Variants in FTO observed in about 807,000 individuals in gnomAD.
FTO encodes FTO alpha-ketoglutarate dependent dioxygenase.
Under a neutral mutation model 63.9 loss-of-function variants are expected in FTO, and 47 were observed. The ratio of observed to expected loss-of-function variants is 0.74; its 90% CI spans 0.58 to 0.94. The LOEUF (loss-of-function observed/expected upper bound fraction) is 0.94. FTO is among the 40% of genes least tolerant of loss of function. The pLI is 0.00. For missense variants in FTO, 562 were observed against 618.1 expected (o/e 0.91, Z 0.96); for synonymous variants, 207 against 224.4 (o/e 0.92, Z 0.69).
intron 1 of FTO, among the ~76,000 whole-genome samples, chr16:53,808,857 TA>T (rs1459892445): frequency 6.6e-6 from 1 of 152,262 alleles, no homozygotes; most frequent in Non-Finnish European, 1.5e-5. Context: ...GTGATGCATT[TA>T]ATTGCATTTT....
intron 8 of FTO, among the ~76,000 whole-genome samples, chr16:54,092,897 T>G (rs112106299): frequency 4.6e-5 from 7 of 152,192 alleles, no homozygotes; most frequent in African/African-American, 1.2e-4. Context: ...GGTCATGGGA[T>G]TCTCCCTTCT....
intron 1 of FTO, among the ~76,000 whole-genome samples, chr16:53,765,791 A>G (rs2077186089): frequency 6.6e-6 from 1 of 152,130 alleles, no homozygotes; most frequent in Admixed American, 6.5e-5. Flanking sequence ...AGAGGTGGTC[A>G]GTGGCCAGAA....
At chr16:53,869,831 ATAAT>A (rs146390178) in intron 4 of FTO, among the ~76,000 whole-genome samples, 5,265 of 152,194 alleles carry the variant, frequency 0.035, 309 homozygotes, top group African/African-American at 0.12. Context: ...AACATTTCTG[ATAAT>A]TAATTTCTGC....
At chr16:53,923,786 C>T (rs2082066276) in intron 7 of FTO, among the ~76,000 whole-genome samples, 1 of 151,954 alleles carries the variant, frequency 6.6e-6, no homozygotes, top group Admixed American at 6.6e-5. Context: ...TCGTACATTG[C>T]CCCAGCATCC....
intron 8 of FTO, among the ~76,000 whole-genome samples, chr16:54,013,001 T>C (rs1044697527): frequency 2.6e-5 from 4 of 152,210 alleles, no homozygotes; most frequent in Non-Finnish European, 5.9e-5. Flanking sequence ...TTAAGCCCTA[T>C]TATTTAAGAA....
chr16:53,747,986 C>A (rs2151560271), intron 1 of FTO, among the ~76,000 whole-genome samples: 1 of 152,262 alleles, frequency 6.6e-6, no homozygotes, highest in South Asian at 2.1e-4. Context: ...GGGTTCATTT[C>A]TGGGCTCTAT....
chr16:54,067,549 G>T (rs12600060), intron 8 of FTO, among the ~76,000 whole-genome samples: 30,114 of 152,204 alleles, frequency 0.2, 3,717 homozygotes, highest in East Asian at 0.46. Flanking sequence ...TGCAGTGAGT[G>T]TTCACATAAA....
intron 8 of FTO, among the ~76,000 whole-genome samples, chr16:53,970,890 A>T (rs139765121): frequency 3.9e-5 from 6 of 152,238 alleles, no homozygotes; most frequent in Admixed American, 1.3e-4. Context: ...ACACTTATAT[A>T]CATAATGCAG....
At chr16:54,051,275 G>C (rs2085306647) in intron 8 of FTO, among the ~76,000 whole-genome samples, 1 of 152,170 alleles carries the variant, frequency 6.6e-6, no homozygotes, top group African/African-American at 2.4e-5. Flanking sequence ...CGGTGTCATG[G>C]CATCTAGTAA....
intron 7 of FTO, among the ~76,000 whole-genome samples, chr16:53,893,681 A>G (rs1313283105): frequency 6.6e-6 from 1 of 152,022 alleles, no homozygotes; most frequent in Non-Finnish European, 1.5e-5. Context: ...AAAAAGGTCA[A>G]TTTGGTATAA....
rs979983163 is a variant in FTO, at chr16:54,116,657, C to A, written c.*4742C>A. ...GAAGCCGGCTAAGAATGACTTCCTG[C>A]AAGACAGCAAGGGCACCCCTGGGCC... On this transcript the variant is annotated 3_prime_UTR_variant, in exon 9 of 9. Transcript: ENST00000471389. 6.6e-6 allele frequency: 1 copy of A among 151,948 alleles called. No homozygotes were observed. Among genetic ancestry groups the A allele is most frequent in the Non-Finnish European group, 1.5e-5 (1 of 67,986 alleles). 9.4% of individuals were successfully genotyped at this position (151,948 alleles called of 1,614,324 possible).
At chr16:53,925,805 C>A (rs2082124400) in intron 7 of FTO, among the ~76,000 whole-genome samples, 1 of 152,062 alleles carries the variant, frequency 6.6e-6, no homozygotes, top group Non-Finnish European at 1.5e-5. Flanking sequence ...AGCAATATGC[C>A]CCACAAGAAT....
chr16:53,738,071 G>A (rs1302502791), intron 1 of FTO, among the ~76,000 whole-genome samples: 1 of 146,590 alleles, frequency 6.8e-6, no homozygotes, highest in East Asian at 2.0e-4. Flanking sequence ...TGTTGCCCAG[G>A]CTGGAGTGCA....
At chr16:54,097,299 T>C (rs1001054417) in intron 8 of FTO, among the ~76,000 whole-genome samples, 1 of 151,768 alleles carries the variant, frequency 6.6e-6, no homozygotes, top group Non-Finnish European at 1.5e-5. Flanking sequence ...TCTGGCTTGT[T>C]AGGTTGTTAG....
intron 3 of FTO, among the ~76,000 whole-genome samples, chr16:53,827,813 G>T (rs1184439921): frequency 2.0e-5 from 3 of 152,154 alleles, no homozygotes; most frequent in African/African-American, 7.2e-5. Context: ...TCTTTAATAA[G>T]GACTTGCCAG....
At chr16:53,715,938 T>C (rs1189604748) in intron 1 of FTO, among the ~76,000 whole-genome samples, 1 of 152,230 alleles carries the variant, frequency 6.6e-6, no homozygotes, top group East Asian at 1.9e-4. Context: ...GGCTGGAGAC[T>C]TGAGGAAGTG....
chr16:53,835,096 T>C (rs1268592986), intron 3 of FTO, among the ~76,000 whole-genome samples: 1 of 152,242 alleles, frequency 6.6e-6, no homozygotes, highest in Non-Finnish European at 1.5e-5. Context: ...TAGTTATGAC[T>C]AATTAAATCC....
chr16:53,704,117 G>A, upstream of FTO: 1 of 1,448,500 alleles, frequency 6.9e-7, no homozygotes, highest in African/African-American at 1.4e-5. Context: ...AGAACTACAT[G>A]CAGGAGGCGG....
chr16:53,920,733 A>G (rs1049034833), intron 7 of FTO, among the ~76,000 whole-genome samples: 1 of 152,084 alleles, frequency 6.6e-6, no homozygotes, highest in African/African-American at 2.4e-5. Context: ...GATGCTTGAT[A>G]TATGGTGATT....
Sources: allele counts gnomAD v4.1 joint callset (sites outside exome capture counted in the v4.1 genomes callset), GRCh38; gene constraint gnomAD v4.1.1; transcripts MANE v1.5; gene names NCBI Gene and HGNC (gene_info 2026-07-23, HGNC 2026-07-21).